Variants in CHODL observed in about 807,000 individuals in gnomAD.
The protein encoded by CHODL is chondrolectin.
Under a neutral mutation model 34.5 loss-of-function variants are expected in CHODL, and 29 were observed. The ratio of observed to expected loss-of-function variants is 0.84; its 90% CI spans 0.63 to 1.15. The LOEUF (loss-of-function observed/expected upper bound fraction) is 1.15, where lower values mean the gene tolerates loss of function less well. CHODL is among the 50% of genes most tolerant of loss of function. CHODL has a pLI of 0.00. For missense variants in CHODL, 332 were observed against 332.5 expected, an observed-to-expected ratio of 1.00 and a Z score of 0.01; for synonymous variants, 125 against 116.1, an observed-to-expected ratio of 1.08 and a Z score of -0.49.
At chr21:18,225,019 T>G (rs2073918429) in intron 2 of CHODL, among the ~76,000 whole-genome samples, 1 of 152,106 alleles carries the variant, frequency 6.6e-6, no homozygotes, top group Admixed American at 6.6e-5. Flanking sequence ...GAAGGTGATT[T>G]TTCAATAGGT....
At chr21:18,257,585 T>C (rs1189815787) in intron 3 of CHODL, among the ~76,000 whole-genome samples, 2 of 152,210 alleles carry the variant, frequency 1.3e-5, no homozygotes, top group Non-Finnish European at 2.9e-5. Flanking sequence ...TATGGTATAA[T>C]ACTTGACATG....
At chr21:18,121,281 T>C (rs2065476117) in intron 2 of CHODL, among the ~76,000 whole-genome samples, 1 of 152,184 alleles carries the variant, frequency 6.6e-6, no homozygotes. Flanking sequence ...TAATGATAGC[T>C]GATGAGCTAA....
chr21:18,005,592 G>A lies in CHODL; in HGVS notation c.-144-22280G>A, dbSNP rs569232044. On this transcript the variant is annotated intron_variant, in intron 1 of 6. Transcript: ENST00000400127. ...TTAGGTTCAGAAGAGGGCAAATGAC[G>A]TGACATTCTCAGATCATAAACATCT... is the stretch of plus-strand genomic sequence containing the variant. Among the ~76,000 whole-genome samples, 7 of 152,308 alleles carry A rather than the reference G, an allele frequency of 4.6e-5. No individual in the cohort carries two copies. In the East Asian group the frequency reaches 5.8e-4, roughly 13 times the overall value.
intron 2 of CHODL, among the ~76,000 whole-genome samples, chr21:18,235,915 A>G (rs1338836775): frequency 6.6e-6 from 1 of 152,172 alleles, no homozygotes; most frequent in Non-Finnish European, 1.5e-5. Context: ...TTAGCATCAT[A>G]TAGATTTAGA....
intron 1 of CHODL, among the ~76,000 whole-genome samples, chr21:17,940,238 T>TA (rs779118541): frequency 5.4e-4 from 82 of 152,306 alleles, no homozygotes; most frequent in Non-Finnish European, 8.7e-4. Context: ...CAAAAGATAT[T>TA]ACAGAAATAT....
chr21:18,226,103 G>T (rs1211600981), intron 2 of CHODL, among the ~76,000 whole-genome samples: 1 of 152,208 alleles, frequency 6.6e-6, no homozygotes, highest in Admixed American at 6.6e-5. Flanking sequence ...AGAGAATCTT[G>T]TTGCCTTGTA....
chr21:18,001,696 T>C (rs956599485), intron 1 of CHODL, among the ~76,000 whole-genome samples: 1 of 151,956 alleles, frequency 6.6e-6, no homozygotes, highest in African/African-American at 2.4e-5. Flanking sequence ...CATTGTTACA[T>C]GTTGCTTCTT....
chr21:18,218,796 T>A (rs1326617193), intron 2 of CHODL, among the ~76,000 whole-genome samples: 1 of 152,178 alleles, frequency 6.6e-6, no homozygotes, highest in East Asian at 1.9e-4. Flanking sequence ...CACCAGTCTC[T>A]TTGCATAGCA....
intron 2 of CHODL, among the ~76,000 whole-genome samples, chr21:18,136,655 AG>A (rs2072733618): frequency 6.7e-6 from 1 of 150,084 alleles, no homozygotes; most frequent in South Asian, 2.1e-4. Context: ...TGGGGCCAAA[AG>A]AATCTTAAGT....
intron 2 of CHODL, among the ~76,000 whole-genome samples, chr21:18,099,492 T>A (rs1194901481): frequency 6.6e-6 from 1 of 151,706 alleles, no homozygotes; most frequent in African/African-American, 2.4e-5. Flanking sequence ...TAATATGATT[T>A]AAAAAATAAA....
At chr21:17,923,389 A>T (rs2063198096) in intron 1 of CHODL, among the ~76,000 whole-genome samples, 1 of 128,498 alleles carries the variant, frequency 7.8e-6, no homozygotes, top group South Asian at 3.1e-4. Context: ...AATTAAAAAA[A>T]GTAAAAAGAT....
At chr21:18,109,637 ATCTT>A (rs2065322566) in intron 2 of CHODL, among the ~76,000 whole-genome samples, 1 of 151,652 alleles carries the variant, frequency 6.6e-6, no homozygotes, top group Non-Finnish European at 1.5e-5. Context: ...TTTTCCCCTC[ATCTT>A]TCTGGAGATT....
intron 2 of CHODL, among the ~76,000 whole-genome samples, chr21:18,235,077 G>T (rs541248300): frequency 2.6e-5 from 4 of 152,102 alleles, no homozygotes; most frequent in Admixed American, 2.0e-4. Context: ...GAGGTGCCCA[G>T]TGTGGTAAGA....
intron 2 of CHODL, among the ~76,000 whole-genome samples, chr21:18,088,072 T>C (rs1221116161): frequency 6.6e-6 from 1 of 152,094 alleles, no homozygotes; most frequent in Non-Finnish European, 1.5e-5. Flanking sequence ...GTAAGGGGTA[T>C]GTTCACCCCC....
intron 2 of CHODL, among the ~76,000 whole-genome samples, chr21:18,188,817 G>A (rs1021146566): frequency 6.6e-6 from 1 of 152,194 alleles, no homozygotes; most frequent in African/African-American, 2.4e-5. Flanking sequence ...TGCAAGGAAT[G>A]GGGAATAGGC....
intron 2 of CHODL, among the ~76,000 whole-genome samples, chr21:18,084,984 G>C (rs1175378695): frequency 6.6e-6 from 1 of 150,696 alleles, no homozygotes; most frequent in Non-Finnish European, 1.5e-5. Context: ...CCAATGTTGG[G>C]TGCATGTACA....
intron 2 of CHODL, among the ~76,000 whole-genome samples, chr21:18,053,001 AG>A (rs2064534978): frequency 6.6e-6 from 1 of 151,940 alleles, no homozygotes; most frequent in African/African-American, 2.4e-5. Flanking sequence ...ATTTCTCATT[AG>A]GTACACTGTG....
chr21:17,990,535 G>A (rs377306787), intron 1 of CHODL, among the ~76,000 whole-genome samples: 62 of 152,068 alleles, frequency 4.1e-4, no homozygotes, highest in Non-Finnish European at 6.6e-4. Flanking sequence ...TTTCCACTAC[G>A]GTTTCAAGTA....
chr21:18,247,718 T>G (rs1426875828), intron 1 of CHODL, among the ~76,000 whole-genome samples: 6 of 152,200 alleles, frequency 3.9e-5, no homozygotes, highest in African/African-American at 1.4e-4. Context: ...CAAAGCCTAT[T>G]TATTGAATTT....
Sources: gnomAD v4.1 joint callset for allele counts (sites outside exome capture counted in the v4.1 genomes callset) on GRCh38, gnomAD v4.1.1 for gene constraint, MANE v1.5 for transcripts, NCBI Gene and HGNC (gene_info 2026-07-23, HGNC 2026-07-21) for gene names.